Variants in NEDD4 observed in about 807,000 individuals in gnomAD.
The protein encoded by NEDD4 is E3 ubiquitin-protein ligase NEDD4.
NEDD4 carries 99 observed loss-of-function variants against 144.9 expected under a neutral mutation model. The observed-to-expected ratio is 0.68, with a 90% confidence interval of 0.58 to 0.81. The LOEUF (loss-of-function observed/expected upper bound fraction) is 0.81. NEDD4 is among the 30% of genes least tolerant of loss of function. The probability of loss-of-function intolerance (pLI) is 0.00; values close to 1 mark genes in which losing one functional copy is unlikely to be tolerated. For synonymous variants in NEDD4, 318 were observed against 350.6 expected (o/e 0.91, Z 1.04); for missense variants, 985 against 1,065.9 (o/e 0.92, Z 1.06).
intron 2 of NEDD4, among the ~76,000 whole-genome samples, chr15:55,964,887 G>C (rs1487171660): frequency 6.6e-6 from 1 of 152,030 alleles, no homozygotes; most frequent in African/African-American, 2.4e-5. Flanking sequence ...TCCCTCGGAA[G>C]TGAGTGAGTT....
At chr15:55,847,264 CA>C (rs2033788280) in intron 17 of NEDD4, among the ~76,000 whole-genome samples, 1 of 152,032 alleles carries the variant, frequency 6.6e-6, no homozygotes, top group Admixed American at 6.6e-5. Context: ...TTTCATTATG[CA>C]ATATTCTTAA....
At chr15:55,991,850 C>T (rs1444295901) in intron 1 of NEDD4, 2 of 152,166 alleles carry the variant, frequency 1.3e-5, no homozygotes, top group African/African-American at 2.4e-5. Flanking sequence ...TGATTGAAAA[C>T]AGAGAAATTA....
chr15:55,849,637 T>A (rs1278343108), intron 14 of NEDD4, among the ~76,000 whole-genome samples: 1 of 151,896 alleles, frequency 6.6e-6, no homozygotes, highest in Non-Finnish European at 1.5e-5. Flanking sequence ...CAATTCAGAA[T>A]GTTAAAAAAG....
intron 4 of NEDD4, among the ~76,000 whole-genome samples, chr15:55,943,558 T>C (rs1254817828): frequency 6.6e-6 from 1 of 152,332 alleles, no homozygotes; most frequent in Admixed American, 6.5e-5. Flanking sequence ...CACATGGTTT[T>C]AAGCCTGCAG....
At chr15:55,953,865 C>G (rs907256702) in intron 2 of NEDD4, among the ~76,000 whole-genome samples, 2 of 152,170 alleles carry the variant, frequency 1.3e-5, no homozygotes, top group Admixed American at 6.5e-5. Flanking sequence ...GGACTACAGG[C>G]GCCTGCCACC....
rs147620064 is a variant in NEDD4, at chr15:55,900,932, T to C, written c.291+23714A>G. The stretch of plus-strand genomic sequence containing the variant: ...TGAACTGATTCCTAAAGATCAAGAG[T>C]AAGATAAAAACCAAGTTATAATAGT... On this transcript the variant is annotated intron_variant, in intron 5 of 28. Coordinates refer to ENST00000435532, the MANE Select transcript of NEDD4 (RefSeq NM_006154.4). 4.6e-3 allele frequency among the ~76,000 whole-genome samples: 695 copies of C among 152,238 alleles called. 7 individuals carry two copies. The highest frequency in any genetic ancestry group is 0.016 in the African/African-American group (666 of 41,556).
chr15:55,851,637 T>G (rs2033986548), intron 13 of NEDD4, among the ~76,000 whole-genome samples: 2 of 152,130 alleles, frequency 1.3e-5, no homozygotes, highest in South Asian at 2.1e-4. Flanking sequence ...CCACCACGCC[T>G]GGCTAATTTT....
At chr15:55,980,024 C>A (rs1812342816) in intron 1 of NEDD4, among the ~76,000 whole-genome samples, 1 of 151,948 alleles carries the variant, frequency 6.6e-6, no homozygotes, top group African/African-American at 2.4e-5. Context: ...GATTCTCCTA[C>A]CTCAGCCTCC....
At chr15:55,988,616 T>C (rs2037937103) in intron 1 of NEDD4, among the ~76,000 whole-genome samples, 1 of 151,802 alleles carries the variant, frequency 6.6e-6, no homozygotes, top group Non-Finnish European at 1.5e-5. Flanking sequence ...AAAGAGAAAT[T>C]ATTAGTAACA....
intron 5 of NEDD4, among the ~76,000 whole-genome samples, chr15:55,881,122 G>A (rs988116785): frequency 2.3e-4 from 34 of 150,756 alleles, no homozygotes; most frequent in Admixed American, 1.3e-4. Context: ...AGGCTATATT[G>A]CAGTAAGTTT....
intron 4 of NEDD4, among the ~76,000 whole-genome samples, chr15:55,933,449 T>G (rs1459954326): frequency 6.7e-6 from 1 of 148,276 alleles, no homozygotes; most frequent in Non-Finnish European, 1.5e-5. Flanking sequence ...AAACACCGCA[T>G]GTTCTCACTC....
intron 18 of NEDD4, among the ~76,000 whole-genome samples, chr15:55,846,274 A>G (rs1042640647): frequency 1.6e-4 from 25 of 152,242 alleles, no homozygotes; most frequent in African/African-American, 5.8e-4. Flanking sequence ...AGAATGCAAG[A>G]AAGTATAACC....
At chr15:55,924,287 C>T (rs2036622805) in intron 5 of NEDD4, 1 of 199,458 alleles carries the variant, frequency 5.0e-6, no homozygotes, top group Non-Finnish European at 1.0e-5. Context: ...GGAGGCGCAA[C>T]TGAAGGATAC....
intron 1 of NEDD4, among the ~76,000 whole-genome samples, chr15:55,984,043 C>G (rs776557407): frequency 3.9e-5 from 6 of 152,118 alleles, no homozygotes; most frequent in Non-Finnish European, 7.4e-5. Context: ...TATCATTATA[C>G]CTCATGCCCT....
At chr15:55,946,840 A>C (rs1270287058) in intron 4 of NEDD4, among the ~76,000 whole-genome samples, 1 of 152,232 alleles carries the variant, frequency 6.6e-6, no homozygotes, top group Non-Finnish European at 1.5e-5. Context: ...ACTAGAACTC[A>C]GGATTAAGAA....
chr15:55,848,698 A>G lies in NEDD4; in HGVS notation c.1428+108T>C, dbSNP rs193002604. On this transcript the variant is annotated intron_variant, in intron 15 of 28. Coordinates refer to ENST00000435532, the MANE Select transcript of NEDD4 (RefSeq NM_006154.4). Reference sequence around the variant, plus strand: ...TCCATTCCATTCTTAGAAGGTATCAACATTTTAATAATAACATTAATTATA... The same window carrying G: ...TCCATTCCATTCTTAGAAGGTATCAGCATTTTAATAATAACATTAATTATA... 997 of 1,279,730 alleles carry G rather than the reference A, an allele frequency of 7.8e-4. 7 individuals carry two copies. The Admixed American group carries it at 0.012, about 15-fold the overall frequency. The allele number at this position is 1,279,730 out of a possible 1,614,324, so 79.3% of individuals were successfully genotyped here. A position where few individuals can be genotyped will look rare whatever the true frequency, so the allele number is the denominator to read the frequency against.
intron 11 of NEDD4, among the ~76,000 whole-genome samples, chr15:55,857,789 A>C (rs1703449895): frequency 6.6e-6 from 1 of 152,194 alleles, no homozygotes; most frequent in South Asian, 2.1e-4. Context: ...TTTTAAAAAA[A>C]TTAGCAGGGG....
At chr15:55,960,698 A>G (rs1161240540) in intron 2 of NEDD4, among the ~76,000 whole-genome samples, 1 of 152,154 alleles carries the variant, frequency 6.6e-6, no homozygotes, top group Non-Finnish European at 1.5e-5. Flanking sequence ...GTCCCCCTAG[A>G]GAACCCTAAT....
chr15:55,850,380 C>T (rs1312300786), intron 14 of NEDD4, among the ~76,000 whole-genome samples, 162 bp downstream of exon 14: 1 of 152,110 alleles, frequency 6.6e-6, no homozygotes, highest in Non-Finnish European at 1.5e-5. Context: ...GACGCATAAG[C>T]ATTCTCCTGA....
Sources: gnomAD v4.1 joint callset for allele counts (sites outside exome capture counted in the v4.1 genomes callset) on GRCh38, gnomAD v4.1.1 for gene constraint, MANE v1.5 for transcripts, NCBI Gene and HGNC (gene_info 2026-07-23, HGNC 2026-07-21) for gene names.